Variants in MRC1 observed in about 807,000 individuals in gnomAD.
MRC1 encodes macrophage mannose receptor 1.
MRC1 carries 62 observed loss-of-function variants against 102.9 expected under a neutral mutation model. The ratio of observed to expected loss-of-function variants is 0.60; its 90% confidence interval spans 0.49 to 0.74. MRC1 has a LOEUF of 0.74. Among genes scored for constraint, MRC1 ranks in the 30% least tolerant of loss-of-function variants. The pLI is 0.00. For synonymous variants in MRC1, 457 were observed against 298.4 expected (o/e 1.53, Z -5.48); for missense variants, 1,237 against 862.8 (o/e 1.43, Z -5.43).
intron 3 of MRC1, among the ~76,000 whole-genome samples, chr10:17,828,769 A>C (rs1288353564): frequency 1.3e-5 from 2 of 151,526 alleles, no homozygotes; most frequent in Non-Finnish European, 2.9e-5. Flanking sequence ...AAGGATGCAA[A>C]ATAAGCAGTA....
At chr10:17,881,670 A>ATTTTTTTTTTTTTTTTTTTTTTTTTTTTT (rs1184943960) in intron 21 of MRC1, among the ~76,000 whole-genome samples, 1 of 102,782 alleles carries the variant, frequency 9.7e-6, no homozygotes, top group African/African-American at 4.1e-5. Flanking sequence ...ACAAATTTTG[A>ATTTTTTTTTTTTTTTTTTTTTTTTTTTTT]TTTTTTTTTT....
At chr10:17,867,385 T>C (rs61844058) in intron 12 of MRC1, among the ~76,000 whole-genome samples, 24,351 of 131,044 alleles carry the variant, frequency 0.19, 2,507 homozygotes, top group East Asian at 0.28. Flanking sequence ...TTCTTCTTCT[T>C]CTCCTTCTTC....
chr10:17,866,330 C>CT (rs1833266669), intron 11 of MRC1, among the ~76,000 whole-genome samples: 2 of 127,194 alleles, frequency 1.6e-5, no homozygotes, highest in Non-Finnish European at 1.9e-5. Context: ...AAGCAGTAAA[C>CT]TATTTTTGCC....
chr10:17,874,123 AC>A (rs1852199638), intron 16 of MRC1, among the ~76,000 whole-genome samples: 2 of 152,318 alleles, frequency 1.3e-5, no homozygotes, highest in Admixed American at 6.5e-5. Flanking sequence ...GTTACCAGGA[AC>A]TTGGTGGCTT....
At chr10:17,895,221 TAAAAAC>T (rs1309743574) in intron 23 of MRC1, among the ~76,000 whole-genome samples, 1 of 151,712 alleles carries the variant, frequency 6.6e-6, no homozygotes, top group East Asian at 1.9e-4. Flanking sequence ...GTCACAAAAA[TAAAAAC>T]AAAAACAAAA....
chr10:17,910,545 T>C lies in MRC1; in HGVS notation c.*80T>C. 1.3e-6 allele frequency: 1 copy of C among 779,032 alleles called. No individual in the cohort carries two copies. Among genetic ancestry groups the C allele is most frequent in the Non-Finnish European group, 2.4e-6 (1 of 417,226 alleles). 48.3% of individuals were successfully genotyped at this position (779,032 alleles called of 1,614,324 possible). On this transcript the variant is annotated 3_prime_UTR_variant, in exon 30 of 30. Transcript: ENST00000569591. ...AAAATTTTTAGTTCAATGTGATTGT[T>C]TTCTTTAAAATGAGTACTGAATTGT...
At chr10:17,849,057 G>A (rs1838872108) in intron 6 of MRC1, among the ~76,000 whole-genome samples, 1 of 151,796 alleles carries the variant, frequency 6.6e-6, no homozygotes, top group South Asian at 2.1e-4. Context: ...GTGCATAACA[G>A]ATGCTTAGTT....
At chr10:17,856,820 AGGC>A (rs1833099969) in intron 9 of MRC1, among the ~76,000 whole-genome samples, 1 of 152,160 alleles carries the variant, frequency 6.6e-6, no homozygotes, top group Non-Finnish European at 1.5e-5. Flanking sequence ...CTTTCTGATG[AGGC>A]ATCTCCTGGA....
In MRC1 at chr10:17,812,792, T is replaced by C. The variant is rs528533025; in HGVS notation, c.61+3266T>C. Among the ~76,000 whole-genome samples, 462 of 152,042 alleles carry C rather than the reference T, an allele frequency of 3.0e-3. 3 individuals are homozygous for C. Among genetic ancestry groups the C allele is most frequent in the African/African-American group, 0.011 (448 of 41,462 alleles). On this transcript the variant is annotated intron_variant, in intron 1 of 29. Coordinates refer to ENST00000569591, the MANE Select transcript of MRC1 (RefSeq NM_002438.4). ...TTCACCATGTTGGCCAGGCTGGTCT[T>C]GAACTCCTGACCTCGTGATCTGCCC...
intron 4 of MRC1, among the ~76,000 whole-genome samples, chr10:17,839,484 AAAGAATTTGTGAAAATTCTT>A (rs1838718198): frequency 1.9e-5 from 1 of 53,756 alleles, no homozygotes; most frequent in Non-Finnish European, 5.1e-5. Flanking sequence ...GTACAACTTT[AAAGAATTTGTGAAAATTCTT>A]TTAAAGAATT....
At chr10:17,892,559 T>C (rs1165120054) in intron 22 of MRC1, among the ~76,000 whole-genome samples, 1 of 152,196 alleles carries the variant, frequency 6.6e-6, no homozygotes, top group Non-Finnish European at 1.5e-5. Context: ...TGCATTGTGG[T>C]TGGGAGTGAC....
intron 4 of MRC1, among the ~76,000 whole-genome samples, chr10:17,840,295 TA>T (rs3215831): frequency 0.44 from 67,146 of 151,946 alleles, 15,177 homozygotes; most frequent in African/African-American, 0.52. Flanking sequence ...AAATTGACTT[TA>T]AAAAATGATA....
At chr10:17,893,396 ATCT>A (rs1833708725) in intron 22 of MRC1, among the ~76,000 whole-genome samples, 1 of 152,132 alleles carries the variant, frequency 6.6e-6, no homozygotes, top group African/African-American at 2.4e-5. Flanking sequence ...GGCTCAAGCG[ATCT>A]TCTAGCCTTG....
At chr10:17,877,472 T>A (rs1833452819) in intron 17 of MRC1, among the ~76,000 whole-genome samples, 1 of 150,824 alleles carries the variant, frequency 6.6e-6, no homozygotes, top group East Asian at 1.9e-4. Flanking sequence ...ATATATTTTG[T>A]ATATATATTT....
At chr10:17,824,768 A>G (rs1838448198) in intron 2 of MRC1, among the ~76,000 whole-genome samples, 1 of 152,166 alleles carries the variant, frequency 6.6e-6, no homozygotes, top group South Asian at 2.1e-4. Flanking sequence ...CTTGAGGAAG[A>G]TTGGCGCTAA....
chr10:17,844,392 G>C (rs1202235554), intron 5 of MRC1, among the ~76,000 whole-genome samples: 1 of 151,282 alleles, frequency 6.6e-6, no homozygotes, highest in Non-Finnish European at 1.5e-5. Flanking sequence ...CGATTTTTTT[G>C]TATTTTTAGT....
intron 26 of MRC1, among the ~76,000 whole-genome samples, chr10:17,903,382 C>CTTTTTTTTTTT (rs1210207060): frequency 1.6e-5 from 2 of 125,050 alleles, no homozygotes; most frequent in Admixed American, 8.3e-5. Context: ...TTTTTCTTTT[C>CTTTTTTTTTTT]TTTTTTTTTC....
chr10:17,818,880 G>A (rs1838351691), intron 1 of MRC1, among the ~76,000 whole-genome samples: 1 of 152,194 alleles, frequency 6.6e-6, no homozygotes, highest in African/African-American at 2.4e-5. Flanking sequence ...AAAACATGAA[G>A]TCACTAATGT....
chr10:17,812,965 T>C (rs1838248524), intron 1 of MRC1, among the ~76,000 whole-genome samples: 1 of 152,128 alleles, frequency 6.6e-6, no homozygotes, highest in Non-Finnish European at 1.5e-5. Flanking sequence ...GGTCAGGTAG[T>C]ATCATGAAAA....
Sources: gnomAD v4.1 joint callset for allele counts (sites outside exome capture counted in the v4.1 genomes callset) on GRCh38, gnomAD v4.1.1 for gene constraint, MANE v1.5 for transcripts, NCBI Gene and HGNC (gene_info 2026-07-23, HGNC 2026-07-21) for gene names.